The following MIS18A variants were observed in gnomAD, a reference collection of about 807,000 sequenced individuals.
The protein encoded by MIS18A is protein Mis18-alpha.
MIS18A carries 14 observed loss-of-function variants against 25.0 expected under a neutral mutation model. The ratio of observed to expected loss-of-function variants is 0.56; its 90% CI spans 0.37 to 0.88. MIS18A has a LOEUF of 0.88. Among genes scored for constraint, MIS18A ranks in the 40% least tolerant of loss-of-function variants. The probability of loss-of-function intolerance (pLI) is 0.00; values close to 1 mark genes in which losing one functional copy is unlikely to be tolerated. For synonymous variants in MIS18A, 134 were observed against 118.6 expected (o/e 1.13, Z -0.84); for missense variants, 292 against 290.8 (o/e 1.00, Z -0.03).
At chr21:32,242,031 A>G in the MIS18A span, among the ~76,000 whole-genome samples, 300 of 152,252 alleles carry the variant, frequency 2.0e-3, 3 homozygotes, top group African/African-American at 5.0e-3. Flanking sequence ...GGCGCCCGCC[A>G]CCACGCCCGG....
chr21:32,199,577 G>A, the MIS18A span, among the ~76,000 whole-genome samples: 1 of 152,142 alleles, frequency 6.6e-6, no homozygotes, highest in Non-Finnish European at 1.5e-5. Flanking sequence ...AGAGGGGGAG[G>A]CAGGCAGATC....
intron 3 of MIS18A, among the ~76,000 whole-genome samples, chr21:32,270,075 T>TA (rs1217106453): frequency 6.6e-6 from 1 of 151,956 alleles, no homozygotes; most frequent in African/African-American, 2.4e-5. Flanking sequence ...CCCCATATCT[T>TA]AAAAAAATAA....
At chr21:32,238,164 C>G in the MIS18A span, among the ~76,000 whole-genome samples, 1 of 152,186 alleles carries the variant, frequency 6.6e-6, no homozygotes, top group Non-Finnish European at 1.5e-5. Flanking sequence ...TTCACCCAAC[C>G]CCTGTGTCAC....
the MIS18A span, among the ~76,000 whole-genome samples, chr21:32,189,122 G>A: frequency 0.6 from 33,678 of 56,568 alleles, 5,498 homozygotes; most frequent in African/African-American, 0.65. Context: ...GGAAAAGCAG[G>A]CGGTGTGCGG....
chr21:32,243,745 C>T, the MIS18A span, among the ~76,000 whole-genome samples: 7 of 152,034 alleles, frequency 4.6e-5, no homozygotes, highest in African/African-American at 7.2e-5. Flanking sequence ...AGGCCAGGCG[C>T]GGTGGCTCAC....
chr21:32,249,767 A>G, the MIS18A span, among the ~76,000 whole-genome samples: 2 of 152,266 alleles, frequency 1.3e-5, no homozygotes, highest in South Asian at 4.1e-4. Flanking sequence ...GTGAACTAAT[A>G]GAGCTGAAAA....
At chr21:32,202,501 C>G in the MIS18A span, among the ~76,000 whole-genome samples, 1 of 152,160 alleles carries the variant, frequency 6.6e-6, no homozygotes, top group Admixed American at 6.5e-5. Context: ...AATGTACCAT[C>G]TTAACCATTT....
At chr21:32,252,345 AAGGCAGGC>A in the MIS18A span, among the ~76,000 whole-genome samples, 2,314 of 148,940 alleles carry the variant, frequency 0.016, 35 homozygotes, top group Non-Finnish European at 0.021. Context: ...AGAATGAATG[AAGGCAGGC>A]AGGCAGGCAG....
the MIS18A span, among the ~76,000 whole-genome samples, chr21:32,190,895 T>A: frequency 3.7e-4 from 56 of 152,344 alleles, no homozygotes; most frequent in African/African-American, 1.3e-3. Flanking sequence ...CACCGCCAGT[T>A]GTATTGAATA....
the MIS18A span, among the ~76,000 whole-genome samples, chr21:32,221,883 T>C: frequency 6.7e-6 from 1 of 150,068 alleles, no homozygotes; most frequent in Non-Finnish European, 1.5e-5. Context: ...CAAGCAAGAC[T>C]CCAAAAAAGA....
At chr21:32,190,559 A>T in the MIS18A span, among the ~76,000 whole-genome samples, 1 of 152,190 alleles carries the variant, frequency 6.6e-6, no homozygotes, top group Admixed American at 6.5e-5. Context: ...TTTTAAAAAC[A>T]CTAAACAAGA....
At chr21:32,232,583 T>C in the MIS18A span, among the ~76,000 whole-genome samples, 1 of 152,086 alleles carries the variant, frequency 6.6e-6, no homozygotes, top group South Asian at 2.1e-4. Flanking sequence ...ATACAAATAT[T>C]ATTCATCTTT....
At chr21:32,258,055 C>T in the MIS18A span, among the ~76,000 whole-genome samples, 1 of 152,142 alleles carries the variant, frequency 6.6e-6, no homozygotes, top group African/African-American at 2.4e-5. Context: ...GTGAGTCAGA[C>T]ACATTAGCAA....
At chr21:32,212,090 C>T in the MIS18A span, among the ~76,000 whole-genome samples, 1,477 of 152,226 alleles carry the variant, frequency 9.7e-3, 25 homozygotes, top group African/African-American at 0.034. Context: ...TGATGCTACT[C>T]GTGAAATAAA....
the MIS18A span, among the ~76,000 whole-genome samples, chr21:32,178,439 ATTCAT>A: frequency 6.6e-6 from 1 of 151,120 alleles, no homozygotes; most frequent in African/African-American, 2.4e-5. Flanking sequence ...TTTCTTCTGG[ATTCAT>A]TTCTTTTCTT....
At chr21:32,197,903 A>G in the MIS18A span, 1 of 152,228 alleles carries the variant, frequency 6.6e-6, no homozygotes, top group Non-Finnish European at 1.5e-5. Context: ...TGGCTATTTT[A>G]TTTGGCTTTT....
chr21:32,278,997 T>C lies in MIS18A; in HGVS notation c.18A>G (p.Ser6=). The C allele has an allele frequency of 6.2e-7, 1 of 1,601,306 alleles. No homozygotes were observed. The highest frequency in any genetic ancestry group is 8.5e-7 in the Non-Finnish European group (1 of 1,174,292). The change falls in exon 1 of 5, where the codon TCA becomes TCG. Residue 6 remains serine (S), a synonymous_variant. Coordinates refer to ENST00000290130, the MANE Select transcript of MIS18A (RefSeq NM_018944.3). MAGVR[S]LRCSRGCAGG... ...CAGCGCATCCTCTGCTACACCTCAG[T>C]GACCGAACGCCTGCCATTACCTACA... is the stretch of plus-strand genomic sequence containing the variant.
At chr21:32,249,596 C>A in the MIS18A span, among the ~76,000 whole-genome samples, 6 of 152,258 alleles carry the variant, frequency 3.9e-5, no homozygotes, top group South Asian at 2.1e-4. Flanking sequence ...TGTGTTAGTC[C>A]ATTTTGTGTT....
chr21:32,239,046 T>C, the MIS18A span, among the ~76,000 whole-genome samples: 1 of 152,338 alleles, frequency 6.6e-6, no homozygotes, highest in African/African-American at 2.4e-5. Context: ...AAAAAAATTA[T>C]ATATGTGTAC....
Sources: gnomAD v4.1 joint callset for allele counts (sites outside exome capture counted in the v4.1 genomes callset) on GRCh38, gnomAD v4.1.1 for gene constraint, MANE v1.5 for transcripts, NCBI Gene and HGNC (gene_info 2026-07-23, HGNC 2026-07-21) for gene names.